Variants in CRPPA observed in about 807,000 individuals in gnomAD.
The protein encoded by CRPPA is CDP-L-ribitol pyrophosphorylase A.
A neutral mutation model predicts 52.0 loss-of-function variants in CRPPA; 43 were observed. The ratio of observed to expected loss-of-function variants is 0.83; its 90% CI spans 0.65 to 1.07. CRPPA has a LOEUF of 1.07. Among genes scored for constraint, CRPPA ranks in the 50% least tolerant of loss-of-function variants. The pLI, the probability that CRPPA is intolerant of heterozygous loss-of-function variation, is 0.00. For synonymous variants in CRPPA, 250 were observed against 203.5 expected (o/e 1.23, Z -1.94); for missense variants, 629 against 551.7 (o/e 1.14, Z -1.40).
intron 9 of CRPPA, among the ~76,000 whole-genome samples, chr7:16,182,086 T>C (rs1331853399): frequency 6.6e-6 from 1 of 152,020 alleles, no homozygotes; most frequent in Non-Finnish European, 1.5e-5. Flanking sequence ...TAAAAACATA[T>C]GTAATACGTA....
rs373329597 is a variant in CRPPA, at chr7:16,089,275, T to C, written c.*2420A>G. The C allele has an allele frequency of 2.5e-5, 9 of 366,822 alleles. No individual in the cohort carries two copies. The East Asian group carries it at 4.5e-4, about 18-fold the overall frequency. 22.7% of individuals were successfully genotyped at this position (366,822 alleles called of 1,614,324 possible). A position where few individuals can be genotyped will look rare whatever the true frequency, so the allele number is the denominator to read the frequency against. ...GTGTGTATGCGTACGTATATACATATATGTGTGTATGCGTACGTATATACA... is the reference window on the plus strand; with the variant it reads ...GTGTGTATGCGTACGTATATACATACATGTGTGTATGCGTACGTATATACA... On this transcript the variant is annotated 3_prime_UTR_variant, in exon 10 of 10. Transcript: ENST00000407010.
At chr7:16,311,098 A>T (rs907812602) in intron 3 of CRPPA, among the ~76,000 whole-genome samples, 3 of 152,142 alleles carry the variant, frequency 2.0e-5, no homozygotes, top group Admixed American at 1.3e-4. Context: ...TCAAGCTCCC[A>T]CATATACACG....
intron 4 of CRPPA, among the ~76,000 whole-genome samples, chr7:16,306,422 T>C (rs1373425248): frequency 2.0e-5 from 3 of 152,202 alleles, no homozygotes; most frequent in Non-Finnish European, 2.9e-5. Context: ...ACACTCTTGC[T>C]GGAGAGAACA....
intron 9 of CRPPA, among the ~76,000 whole-genome samples, chr7:16,103,271 A>C (rs1262610452): frequency 6.6e-6 from 1 of 152,190 alleles, no homozygotes; most frequent in Non-Finnish European, 1.5e-5. Flanking sequence ...ACATGGACAC[A>C]GGAAGGGGAA....
chr7:16,311,336 T>C (rs1314162550), intron 3 of CRPPA, among the ~76,000 whole-genome samples: 1 of 152,146 alleles, frequency 6.6e-6, no homozygotes, highest in Non-Finnish European at 1.5e-5. Context: ...GTACTATCTA[T>C]ACATACCTCC....
intron 3 of CRPPA, among the ~76,000 whole-genome samples, chr7:16,358,152 CAGAGAAAACCTGCTAG>C (rs1432232858): frequency 6.9e-6 from 1 of 145,858 alleles, no homozygotes; most frequent in Non-Finnish European, 1.5e-5. Context: ...GCCAGACTGG[CAGAGAAAACCTGCTAG>C]AGAGTAAACA....
At chr7:16,304,997 A>AT (rs528348349) in intron 4 of CRPPA, among the ~76,000 whole-genome samples, 121 of 151,600 alleles carry the variant, frequency 8.0e-4, no homozygotes, top group African/African-American at 2.7e-3. Flanking sequence ...TTTCAGATAC[A>AT]TTTTTTTTTA....
chr7:16,225,603 T>C (rs1782627203), intron 8 of CRPPA, among the ~76,000 whole-genome samples: 1 of 151,994 alleles, frequency 6.6e-6, no homozygotes, highest in South Asian at 2.1e-4. Flanking sequence ...TATCCGAGTT[T>C]ACAATATCAT....
intron 9 of CRPPA, among the ~76,000 whole-genome samples, chr7:16,199,936 C>A (rs1781814524): frequency 6.7e-6 from 1 of 149,046 alleles, no homozygotes; most frequent in South Asian, 2.1e-4. Context: ...CAGCTCACTG[C>A]AAGCTCTCCC....
At chr7:16,278,419 C>T (rs545040129) in intron 5 of CRPPA, among the ~76,000 whole-genome samples, 193 bp from the exon 6 acceptor site, 1 of 152,256 alleles carries the variant, frequency 6.6e-6, no homozygotes, top group East Asian at 1.9e-4. Flanking sequence ...AGTCCATAAA[C>T]CTATCCATTG....
intron 3 of CRPPA, among the ~76,000 whole-genome samples, chr7:16,346,619 T>G (rs1208059619): frequency 6.6e-6 from 1 of 152,156 alleles, no homozygotes; most frequent in Non-Finnish European, 1.5e-5. Flanking sequence ...ATAATTTTTT[T>G]ATTTCTCTGT....
rs192941791 is a variant in CRPPA, at chr7:16,360,496, T to C, written c.684+15596A>G. 2.8e-4 allele frequency among the ~76,000 whole-genome samples: 42 copies of C among 152,220 alleles called. No homozygotes were observed. In the East Asian group the frequency reaches 7.9e-3, roughly 29 times the overall value. On this transcript the variant is annotated intron_variant, in intron 3 of 9. Coordinates refer to ENST00000407010, the MANE Select transcript of CRPPA (RefSeq NM_001101426.4). ...TAAAATCACACTAATCGAAACAGTG[T>C]AGTAGTAGCAGTAGTAGTAGTAAGT...
chr7:16,369,442 G>T (rs1402973849), intron 3 of CRPPA, among the ~76,000 whole-genome samples: 1 of 152,208 alleles, frequency 6.6e-6, no homozygotes, highest in South Asian at 2.1e-4. Flanking sequence ...CCCAGGCCTG[G>T]TTTCGGGCCT....
chr7:16,399,704 CCAA>C (rs770207041), intron 2 of CRPPA, among the ~76,000 whole-genome samples: 12 of 151,890 alleles, frequency 7.9e-5, no homozygotes, highest in Non-Finnish European at 1.3e-4. Context: ...CAACACGTGA[CCAA>C]CATGACTGAC....
intron 3 of CRPPA, among the ~76,000 whole-genome samples, chr7:16,318,546 A>C (rs1293123739): frequency 6.6e-6 from 1 of 152,134 alleles, no homozygotes; most frequent in Admixed American, 6.6e-5. Context: ...TGTAGCAATA[A>C]ATTTTCACTT....
At chr7:16,230,830 C>T (rs1421119918) in intron 8 of CRPPA, among the ~76,000 whole-genome samples, 1 of 152,148 alleles carries the variant, frequency 6.6e-6, no homozygotes, top group East Asian at 1.9e-4. Context: ...TGCCAGAAGC[C>T]TGGGGCTCAC....
chr7:16,418,523 G>A (rs890423536), intron 1 of CRPPA, among the ~76,000 whole-genome samples: 2 of 152,192 alleles, frequency 1.3e-5, no homozygotes, highest in African/African-American at 4.8e-5. Flanking sequence ...CATGGCTGGG[G>A]AGGCCTCAGG....
Position 16,275,811 on chromosome 7 carries a change from G to A in CRPPA, c.933+2318C>T, listed in dbSNP as rs532117800. ...CATGATAGTACCAAGACCCTGTCTC[G>A]GAAAAAAACAAAAACAAAAACAAAC... On this transcript the variant is annotated intron_variant, in intron 6 of 9. Transcript: ENST00000407010. 5.3e-5 allele frequency among the ~76,000 whole-genome samples: 8 copies of A among 150,450 alleles called. No homozygotes were observed. The South Asian group carries it at 6.3e-4, about 12-fold the overall frequency.
At chr7:16,227,166 C>T (rs1782674189) in intron 8 of CRPPA, among the ~76,000 whole-genome samples, 1 of 151,848 alleles carries the variant, frequency 6.6e-6, no homozygotes, top group African/African-American at 2.4e-5. Context: ...ATTCCATATC[C>T]TAGCTATTGT....
Sources: allele counts gnomAD v4.1 joint callset (sites outside exome capture counted in the v4.1 genomes callset), GRCh38; gene constraint gnomAD v4.1.1; transcripts MANE v1.5; gene names NCBI Gene and HGNC (gene_info 2026-07-23, HGNC 2026-07-21).